PIGV: variants seen among roughly 807,000 people sequenced by gnomAD.
The protein encoded by PIGV is phosphatidylinositol glycan anchor biosynthesis class V.
PIGV carries 27 observed loss-of-function variants against 39.2 expected under a neutral mutation model. That is an observed-to-expected ratio of 0.69 (90% CI 0.51 to 0.95). The LOEUF is 0.95. Ranked by LOEUF, PIGV falls within the 40% of genes least tolerant of loss-of-function variation. The pLI is 0.00. For synonymous variants in PIGV, 232 were observed against 241.7 expected (o/e 0.96, Z 0.37); for missense variants, 523 against 586.4 (o/e 0.89, Z 1.12).
Position 26,794,761 on chromosome 1 carries a change from C to G in PIGV, c.727C>G (p.Leu243Val). ...CTTTAAGCTGATGGCCTCTCTGTTTCTGTCGGTGTTCACACTTGGCCTTCC... is the reference window on the plus strand; with the variant it reads ...CTTTAAGCTGATGGCCTCTCTGTTTGTGTCGGTGTTCACACTTGGCCTTCC... ...QLFKLMASLF[L>V]SVFTLGLPFA... Residue 243 changes from leucine to valine, a missense_variant, in exon 3 of 4, where the codon CTG becomes GTG. Leu to Val is a conservative substitution (Grantham distance 32, BLOSUM62 1). Transcript: ENST00000674202. 6.2e-7 allele frequency: 1 copy of G among 1,614,188 alleles called. No individual in the cohort carries two copies. The highest frequency in any genetic ancestry group is 8.5e-7 in the Non-Finnish European group (1 of 1,180,038).
rs940254679 is a variant in PIGV, at chr1:26,799,238, C to T, written c.*1394C>T. Among the ~76,000 whole-genome samples the T allele has an allele frequency of 1.3e-5, 2 of 152,180 alleles. No individual in the cohort carries two copies. The highest frequency in any genetic ancestry group is 2.4e-5 in the African/African-American group (1 of 41,448). On this transcript the variant is annotated 3_prime_UTR_variant, in exon 4 of 4. Transcript: ENST00000674202. ...GTTCTCAGATGCCTGCTTACTTGAT[C>T]AGTAGACATGGGTCAGAGGCGCCAA...
chr1:26,789,113 C>G (rs894898783), intron 1 of PIGV: 3 of 152,206 alleles, frequency 2.0e-5, no homozygotes, highest in Admixed American at 1.3e-4. Flanking sequence ...AGTGAATTCG[C>G]CCTAGGATAG....
chr1:26,791,649 G>A (rs138138192), intron 2 of PIGV, among the ~76,000 whole-genome samples: 2 of 152,176 alleles, frequency 1.3e-5, no homozygotes, highest in East Asian at 3.9e-4. Context: ...GCTCATAACT[G>A]GTCCCTTTGT....
chr1:26,797,893 G>A lies in PIGV; in HGVS notation c.*49G>A. The A allele has an allele frequency of 6.4e-7, 1 of 1,556,432 alleles. No individual in the cohort carries two copies. Among genetic ancestry groups the A allele is most frequent in the South Asian group, 1.1e-5 (1 of 89,762 alleles). ...GGAAGCCAACTTAACCCAGGGGTCT[G>A]AAAGTAAAAATACACATTGGAACTG... On this transcript the variant is annotated 3_prime_UTR_variant, in exon 4 of 4. Transcript: ENST00000674202.
Position 26,795,149 on chromosome 1 carries a change from T to A in PIGV, c.1115T>A (p.Leu372His). ...KNNKTLEKPD[L>H]GFLSPQVFVY... ...AATAAGACCCTAGAGAAGCCCGATC[T>A]TGGATTCCTCAGTCCTCAGGTGTTT... Residue 372 changes from leucine to histidine, a missense_variant, in exon 3 of 4, where the codon CTT becomes CAT. Coordinates refer to ENST00000674202, the MANE Select transcript of PIGV (RefSeq NM_017837.4). The A allele has an allele frequency of 6.2e-7, 1 of 1,614,110 alleles. No homozygotes were observed. The highest frequency in any genetic ancestry group is 8.5e-7 in the Non-Finnish European group (1 of 1,180,026).
At chr1:26,797,234 C>T (rs184599320) in intron 3 of PIGV, among the ~76,000 whole-genome samples, 1 of 152,234 alleles carries the variant, frequency 6.6e-6, no homozygotes, top group African/African-American at 2.4e-5. Context: ...TTCCCAATCC[C>T]CAAATCAATA....
rs200943425 is a variant in PIGV at position 26,797,546 on chromosome 1, C to T, written c.1201-17C>T. 1.9e-6 allele frequency: 3 copies of T among 1,611,428 alleles called. No homozygotes were observed. The highest frequency in any genetic ancestry group is 2.5e-6 in the Non-Finnish European group (3 of 1,177,614). On this transcript the variant is annotated splice_polypyrimidine_tract_variant and intron_variant, in intron 3 of 3. Coordinates refer to ENST00000674202, the MANE Select transcript of PIGV (RefSeq NM_017837.4). ...ATTCCAGTAAATGTCTGGATATTCC[C>T]CTCTCATGATTTCTAGGTTCTCACC...
rs368196352 is a variant in PIGV at position 26,799,912 on chromosome 1, T to G, written c.*2068T>G. On this transcript the variant is annotated 3_prime_UTR_variant, in exon 4 of 4. Coordinates refer to ENST00000674202, the MANE Select transcript of PIGV (RefSeq NM_017837.4). ...ACTTCCACCTTGCGTGCAGGAAGTG[T>G]TGGGGTCCTGTTTCAGCTCTTTATT... 2.0e-5 allele frequency among the ~76,000 whole-genome samples: 3 copies of G among 152,164 alleles called. No individual in the cohort carries two copies. Among genetic ancestry groups the G allele is most frequent in the African/African-American group, 7.2e-5 (3 of 41,430 alleles).
At chr1:26,796,849 A>C (rs1254450570) in intron 3 of PIGV, among the ~76,000 whole-genome samples, 4 of 152,120 alleles carry the variant, frequency 2.6e-5, no homozygotes, top group Non-Finnish European at 5.9e-5. Flanking sequence ...GTGGTGATAG[A>C]GAGGGATGGG....
Position 26,800,254 on chromosome 1 carries a change from T to G in PIGV, c.*2410T>G, listed in dbSNP as rs1193408582. Among the ~76,000 whole-genome samples, 2 of 151,032 alleles carry G rather than the reference T, an allele frequency of 1.3e-5. No homozygotes were observed. The highest frequency in any genetic ancestry group is 3.9e-4 in the East Asian group (2 of 5,116). On this transcript the variant is annotated 3_prime_UTR_variant, in exon 4 of 4. Transcript: ENST00000674202. ...ATGACCAGCAGCTGTCCTTTTACCA[T>G]CCTATTAACAGTCTCTTTAATAGTC...
chr1:26,800,517 A>G lies in PIGV; in HGVS notation c.*2673A>G, dbSNP rs1292092142. On this transcript the variant is annotated 3_prime_UTR_variant, in exon 4 of 4. Transcript: ENST00000674202. The stretch of plus-strand genomic sequence containing the variant: ...CATACCTTTACCAGTCCTCCTGGAA[A>G]AATGTTACTTTTATTGAATAGACCC... Among the ~76,000 whole-genome samples, 4 of 152,184 alleles carry G rather than the reference A, an allele frequency of 2.6e-5. No homozygotes were observed. The highest frequency in any genetic ancestry group is 4.4e-5 in the Non-Finnish European group (3 of 68,026).
intron 2 of PIGV, among the ~76,000 whole-genome samples, chr1:26,791,696 A>G (rs1428971995): frequency 1.3e-5 from 2 of 152,180 alleles, no homozygotes; most frequent in Non-Finnish European, 2.9e-5. Flanking sequence ...TACATAAGGC[A>G]TGGCAGACTC....
At chr1:26,797,153 G>A (rs1236483272) in intron 3 of PIGV, among the ~76,000 whole-genome samples, 4 of 152,186 alleles carry the variant, frequency 2.6e-5, no homozygotes, top group African/African-American at 9.7e-5. Flanking sequence ...GAGAGAGAAT[G>A]TTCAAGCAAT....
Position 26,794,587 on chromosome 1 carries a change from G to C in PIGV, c.553G>C (p.Glu185Gln), listed in dbSNP as rs1306060571. Reference sequence around the variant, plus strand: ...GACATTCAGTGCCATGGGGCAGCTGGAGAGGGGCCGAGTCTGGACTAGTGT... The same window carrying C: ...GACATTCAGTGCCATGGGGCAGCTGCAGAGGGGCCGAGTCTGGACTAGTGT... ...LLTFSAMGQL[E>Q]RGRVWTSVLL... The change falls in exon 3 of 4, where the codon GAG (glutamate) becomes CAG (glutamine). Residue 185 changes from glutamate to glutamine, a missense_variant. Coordinates refer to ENST00000674202, the MANE Select transcript of PIGV (RefSeq NM_017837.4). The C allele has an allele frequency of 6.2e-7, 1 of 1,614,134 alleles. No individual in the cohort carries two copies. Among genetic ancestry groups the C allele is most frequent in the Non-Finnish European group, 8.5e-7 (1 of 1,180,054 alleles).
In PIGV at chr1:26,790,748, T is replaced by C; in HGVS notation, c.-57-11T>C. The C allele has an allele frequency of 7.9e-7, 1 of 1,265,436 alleles. No homozygotes were observed. Among genetic ancestry groups the C allele is most frequent in the Non-Finnish European group, 1.2e-6 (1 of 862,480 alleles). The allele number at this position is 1,265,436 out of a possible 1,614,324, so 78.4% of individuals were successfully genotyped here. On this transcript the variant is annotated splice_polypyrimidine_tract_variant and intron_variant, in intron 1 of 3. Transcript: ENST00000674202. Reference sequence around the variant, plus strand: ...ACTCGATGTGTGACATTTTCCTCCTTTGGGGTTTAGAGGCCTGAGGGAGCT... The same window carrying C: ...ACTCGATGTGTGACATTTTCCTCCTCTGGGGTTTAGAGGCCTGAGGGAGCT...
chr1:26,792,518 C>T (rs1002960404), intron 2 of PIGV, among the ~76,000 whole-genome samples: 3 of 151,860 alleles, frequency 2.0e-5, no homozygotes, highest in Non-Finnish European at 2.9e-5. Context: ...TAGTAGAGAC[C>T]GGGTTTCACC....
At position 26,799,931 on chromosome 1, in the gene PIGV, C is replaced by T. The variant is rs1329167055; in HGVS notation, c.*2087C>T. 6.6e-6 allele frequency among the ~76,000 whole-genome samples: 1 copy of T among 152,154 alleles called. No homozygotes were observed. Among genetic ancestry groups the T allele is most frequent in the Non-Finnish European group, 1.5e-5 (1 of 68,024 alleles). ...GAAGTGTTGGGGTCCTGTTTCAGCT[C>T]TTTATTGCCGAGGTAGGAGCACTGG... is the stretch of plus-strand genomic sequence containing the variant. On this transcript the variant is annotated 3_prime_UTR_variant, in exon 4 of 4. Transcript: ENST00000674202.
At chr1:26,790,727 G>T in intron 1 of PIGV, 32 bp from the exon 2 acceptor site, 2 of 1,027,434 alleles carry the variant, frequency 1.9e-6, no homozygotes, top group African/African-American at 1.6e-5. Flanking sequence ...GCTTTCACTC[G>T]ATGTGTGACA....
intron 1 of PIGV, among the ~76,000 whole-genome samples, chr1:26,790,049 C>T (rs1481004341): frequency 6.6e-6 from 1 of 152,220 alleles, no homozygotes; most frequent in Non-Finnish European, 1.5e-5. Context: ...TTCTCCATCC[C>T]TGGTAGTCTA....
Sources: allele counts gnomAD v4.1 joint callset (sites outside exome capture counted in the v4.1 genomes callset), GRCh38; gene constraint gnomAD v4.1.1; transcripts MANE v1.5; gene names NCBI Gene and HGNC (gene_info 2026-07-23, HGNC 2026-07-21).